PLA2G6: variants seen among roughly 807,000 people sequenced by gnomAD.
The protein encoded by PLA2G6 is 85/88 kDa calcium-independent phospholipase A2.
A neutral mutation model predicts 83.8 loss-of-function variants in PLA2G6; 62 were observed. That is an observed-to-expected ratio of 0.74 (90% confidence interval 0.60 to 0.91). The LOEUF (loss-of-function observed/expected upper bound fraction) is 0.91, where lower values mean the gene tolerates loss of function less well. Among genes scored for constraint, PLA2G6 ranks in the 40% least tolerant of loss-of-function variants. The pLI, the probability that PLA2G6 is intolerant of heterozygous loss-of-function variation, is 0.00. For synonymous variants in PLA2G6, 417 were observed against 449.8 expected (o/e 0.93, Z 0.92); for missense variants, 944 against 1,102.0 (o/e 0.86, Z 2.03).
intron 10 of PLA2G6, among the ~76,000 whole-genome samples, chr22:38,124,980 CTCTTG>C (rs1182988539): frequency 6.6e-6 from 1 of 152,226 alleles, no homozygotes; most frequent in East Asian, 1.9e-4. Flanking sequence ...GGTCTCCTGA[CTCTTG>C]CCTCAGCCCC....
chr22:38,178,325 C>G (rs952609433), intron 1 of PLA2G6, among the ~76,000 whole-genome samples: 5 of 152,138 alleles, frequency 3.3e-5, no homozygotes, highest in African/African-American at 4.8e-5. Context: ...AATCCCAGCA[C>G]TTTAGGAGGC....
chr22:38,111,970 G>A lies in PLA2G6; in HGVS notation c.*191C>T, dbSNP rs886057499. ...CCAGCCTGGAATGACAGAAAGTGCT[G>A]GAAGGCGGGGTTAGTGGGAGACAGG... On this transcript the variant is annotated 3_prime_UTR_variant, in exon 17 of 17. Transcript: ENST00000332509. 80 of 645,592 alleles carry A rather than the reference G, an allele frequency of 1.2e-4. No individual in the cohort carries two copies. The highest frequency in any genetic ancestry group is 2.5e-5 in the Admixed American group (1 of 40,020). 40.0% of individuals were successfully genotyped at this position (645,592 alleles called of 1,614,324 possible).
At chr22:38,151,300 G>A (rs1295321363) in intron 2 of PLA2G6, among the ~76,000 whole-genome samples, 2 of 151,228 alleles carry the variant, frequency 1.3e-5, no homozygotes, top group Non-Finnish European at 2.9e-5. Flanking sequence ...ACGCTGGAGT[G>A]CAGTGGTGCA....
In PLA2G6 at chr22:38,139,504, G is replaced by A. The variant is rs530796242; in HGVS notation, c.797+478C>T. On this transcript the variant is annotated intron_variant, in intron 5 of 16. Coordinates refer to ENST00000332509, the MANE Select transcript of PLA2G6 (RefSeq NM_003560.4). ...GGCTGGAGTGCAACGGTGCGATCTCGGCTCACTGCAACCTCCGCCTCCCGG... is the reference window on the plus strand; with the variant it reads ...GGCTGGAGTGCAACGGTGCGATCTCAGCTCACTGCAACCTCCGCCTCCCGG... 522 of 153,392 alleles carry A rather than the reference G, an allele frequency of 3.4e-3. 2 individuals are homozygous for A. Among genetic ancestry groups the A allele is most frequent in the African/African-American group, 0.012 (502 of 41,320 alleles). The allele number at this position is 153,392 out of a possible 1,614,324, so 9.5% of individuals were successfully genotyped here.
At chr22:38,177,361 G>C (rs2090675487) in intron 1 of PLA2G6, among the ~76,000 whole-genome samples, 1 of 152,046 alleles carries the variant, frequency 6.6e-6, no homozygotes. Flanking sequence ...TAGTGGGAAA[G>C]GGCTTGATCC....
At chr22:38,168,335 G>C (rs369816274) in intron 2 of PLA2G6, among the ~76,000 whole-genome samples, 3 of 152,362 alleles carry the variant, frequency 2.0e-5, no homozygotes, top group Admixed American at 2.0e-4. Flanking sequence ...CTAGATGCCA[G>C]TCTGCCAAGC....
rs1030958802 is a variant in PLA2G6 at position 38,131,943 on chromosome 22, C to T, written c.1077+888G>A. The T allele has an allele frequency of 1.9e-4, 62 of 331,906 alleles. 1 individual carries two copies. Among genetic ancestry groups the T allele is most frequent in the South Asian group, 5.9e-4 (27 of 45,926 alleles). 20.6% of individuals were successfully genotyped at this position (331,906 alleles called of 1,614,324 possible). A position where few individuals can be genotyped will look rare whatever the true frequency, so the allele number is the denominator to read the frequency against. ...CAGCCTGGCCAACGTGGTGAAACCC[C>T]GTCTCTACTAAAAATACAAAAATTA... is the stretch of plus-strand genomic sequence containing the variant. On this transcript the variant is annotated intron_variant, in intron 7 of 16. Transcript: ENST00000332509.
In PLA2G6 at chr22:38,153,954, T is replaced by C. The variant is rs543965468; in HGVS notation, c.210-8301A>G. Among the ~76,000 whole-genome samples, 25 of 152,296 alleles carry C rather than the reference T, an allele frequency of 1.6e-4. 1 individual carries two copies. The South Asian group carries it at 5.0e-3, about 30-fold the overall frequency. Reference sequence around the variant, plus strand: ...CCCTGAATGAACGTTGGCAGTGGCCTGGCAGCACTGCCACAGGGCTGGGGC... The same window carrying C: ...CCCTGAATGAACGTTGGCAGTGGCCCGGCAGCACTGCCACAGGGCTGGGGC... On this transcript the variant is annotated intron_variant, in intron 2 of 16. Transcript: ENST00000332509.
At chr22:38,169,506 C>T in intron 1 of PLA2G6, 35 bp from the exon 2 acceptor site, 1 of 1,231,318 alleles carries the variant, frequency 8.1e-7, no homozygotes, top group East Asian at 2.5e-5. Context: ...CAGCCAGGCA[C>T]AGTCTCCCAT....
chr22:38,178,029 G>A lies in PLA2G6; in HGVS notation c.-46+3635C>T, dbSNP rs573173179. 1.6e-3 allele frequency among the ~76,000 whole-genome samples: 247 copies of A among 152,184 alleles called. 1 individual carries two copies. The highest frequency in any genetic ancestry group is 1.5e-3 in the Non-Finnish European group (102 of 68,044). ...TGCACTGCTGCTCACGTGAGCCAGA[G>A]CAAAACGTCCTTTCACAAAAGGAAA... On this transcript the variant is annotated intron_variant, in intron 1 of 16. Coordinates refer to ENST00000332509, the MANE Select transcript of PLA2G6 (RefSeq NM_003560.4).
At chr22:38,141,017 C>G (rs2088869981) in intron 4 of PLA2G6, 1 of 152,202 alleles carries the variant, frequency 6.6e-6, no homozygotes, top group Non-Finnish European at 1.5e-5. Context: ...ACGGTGAAAC[C>G]CTGTCTCTAC....
intron 6 of PLA2G6, chr22:38,133,384 T>C: frequency 7.1e-6 from 2 of 283,170 alleles, no homozygotes; most frequent in Non-Finnish European, 1.4e-5. Flanking sequence ...CACTGGGCCT[T>C]GGCAATGCAC....
chr22:38,114,352 T>C (rs1261525673), intron 14 of PLA2G6, among the ~76,000 whole-genome samples: 1 of 152,090 alleles, frequency 6.6e-6, no homozygotes, highest in Admixed American at 6.5e-5. Flanking sequence ...GCCTGGCTAA[T>C]TTTTTTGTAT....
At chr22:38,154,774 G>A (rs1181304886) in intron 2 of PLA2G6, among the ~76,000 whole-genome samples, 1 of 152,170 alleles carries the variant, frequency 6.6e-6, no homozygotes, top group Non-Finnish European at 1.5e-5. Flanking sequence ...AACTAATTAA[G>A]GTACCAGTGG....
At chr22:38,117,282 C>T (rs2087264240) in intron 12 of PLA2G6, among the ~76,000 whole-genome samples, 1 of 152,188 alleles carries the variant, frequency 6.6e-6, no homozygotes, top group Non-Finnish European at 1.5e-5. Flanking sequence ...TCTCGGCTCA[C>T]TGCAAGATCT....
At chr22:38,154,894 C>A (rs2145870903) in intron 2 of PLA2G6, among the ~76,000 whole-genome samples, 1 of 152,272 alleles carries the variant, frequency 6.6e-6, no homozygotes, top group East Asian at 1.9e-4. Context: ...AATTCAGAAT[C>A]CTAACAGATA....
At chr22:38,127,367 A>G (rs1602113678) in intron 9 of PLA2G6, 3 of 1,308,510 alleles carry the variant, frequency 2.3e-6, no homozygotes, top group African/African-American at 1.5e-5. Flanking sequence ...CTAATGCCGC[A>G]TGGCTAGGCT....
chr22:38,126,880 A>G (rs2235347), intron 9 of PLA2G6: 188,477 of 468,588 alleles, frequency 0.4, 40,289 homozygotes, highest in South Asian at 0.45. Context: ...AAGAGGGTCC[A>G]TAATTCACCC....
In PLA2G6 at chr22:38,145,552, G is replaced by A; in HGVS notation, c.311C>T (p.Thr104Ile). 6 of 1,613,510 alleles carry A rather than the reference G, an allele frequency of 3.7e-6. No individual in the cohort carries two copies. The highest frequency in any genetic ancestry group is 2.5e-6 in the Non-Finnish European group (3 of 1,179,546). Residue 104 changes from threonine to isoleucine, a missense_variant, in exon 3 of 17, where the codon ACT becomes ATT. By Grantham distance (89) the Thr-to-Ile change is moderately conservative. Coordinates refer to ENST00000332509, the MANE Select transcript of PLA2G6 (RefSeq NM_003560.4). ...FYESSPQVLH[T>I]EVLQHLTDLI... ...GTCGGTCAGGTGCTGCAGGACCTCA[G>A]TGTGCAGGACCTGAGGGGAGCTCTC...
Sources: gnomAD v4.1 joint callset for allele counts (sites outside exome capture counted in the v4.1 genomes callset) on GRCh38, gnomAD v4.1.1 for gene constraint, MANE v1.5 for transcripts, NCBI Gene and HGNC (gene_info 2026-07-23, HGNC 2026-07-21) for gene names.